The following SH3RF3 variants were observed in gnomAD, a reference collection of about 807,000 sequenced individuals.
SH3RF3 encodes SH3 domain containing ring finger 3, also known as E3 ubiquitin-protein ligase SH3RF3.
SH3RF3 carries 29 observed loss-of-function variants against 66.3 expected under a neutral mutation model. That is an observed-to-expected ratio of 0.44 (90% CI 0.33 to 0.60). SH3RF3 has a LOEUF of 0.60. Among genes scored for constraint, SH3RF3 ranks in the 20% least tolerant of loss-of-function variants. The pLI is 0.04. For missense variants in SH3RF3, 1,194 were observed against 1,190.9 expected (o/e 1.00, Z -0.04); for synonymous variants, 583 against 532.0 (o/e 1.10, Z -1.32).
chr2:109,252,273 C>A (rs1235533328), intron 1 of SH3RF3, among the ~76,000 whole-genome samples: 1 of 150,340 alleles, frequency 6.7e-6, no homozygotes, highest in African/African-American at 2.5e-5. Flanking sequence ...AAAAAACTTT[C>A]AACATTATAA....
intron 1 of SH3RF3, among the ~76,000 whole-genome samples, chr2:109,254,560 G>C (rs1680174399): frequency 6.6e-6 from 1 of 152,216 alleles, no homozygotes; most frequent in Non-Finnish European, 1.5e-5. Context: ...TGTAGATGCT[G>C]ATTAAAACTT....
intron 3 of SH3RF3, among the ~76,000 whole-genome samples, chr2:109,398,323 C>T (rs993226499): frequency 2.0e-5 from 3 of 152,160 alleles, no homozygotes; most frequent in African/African-American, 7.2e-5. Flanking sequence ...AAGATTGGGG[C>T]GACAAGGTAG....
chr2:109,441,097 T>C (rs995175717), intron 7 of SH3RF3, among the ~76,000 whole-genome samples: 2 of 134,730 alleles, frequency 1.5e-5, no homozygotes, highest in East Asian at 4.0e-4. Flanking sequence ...TTTATCTTTG[T>C]CCCAGAACAA....
At chr2:109,478,396 C>T (rs1263617658) in intron 8 of SH3RF3, among the ~76,000 whole-genome samples, 1 of 152,238 alleles carries the variant, frequency 6.6e-6, no homozygotes, top group African/African-American at 2.4e-5. Flanking sequence ...GATGGGCCCT[C>T]CAGTCTCTAA....
At chr2:109,440,635 G>A (rs902628126) in intron 7 of SH3RF3, among the ~76,000 whole-genome samples, 2 of 152,146 alleles carry the variant, frequency 1.3e-5, no homozygotes, top group Non-Finnish European at 2.9e-5. Context: ...GACAACCAAG[G>A]ACTGATTCAT....
intron 2 of SH3RF3, among the ~76,000 whole-genome samples, chr2:109,357,556 C>T (rs796569648): frequency 6.6e-6 from 1 of 152,212 alleles, no homozygotes. Context: ...ACCAGCCCGC[C>T]CTTCCCGCAT....
intron 1 of SH3RF3, among the ~76,000 whole-genome samples, chr2:109,180,273 TTCTC>T (rs987841795): frequency 1.3e-5 from 2 of 152,202 alleles, no homozygotes; most frequent in Non-Finnish European, 2.9e-5. Context: ...CAATCTCTGC[TTCTC>T]TCTGAGTCCG....
intron 8 of SH3RF3, among the ~76,000 whole-genome samples, chr2:109,470,647 G>A (rs948406567): frequency 2.0e-5 from 3 of 152,204 alleles, no homozygotes; most frequent in South Asian, 2.1e-4. Flanking sequence ...ACAGTGCCAC[G>A]CATGGGGTGC....
At position 109,286,338 on chromosome 2, in the gene SH3RF3, C is replaced by G. The variant is rs1473670303; in HGVS notation, c.574-61336C>G. Among the ~76,000 whole-genome samples, 3 of 152,324 alleles carry G rather than the reference C, an allele frequency of 2.0e-5. No individual in the cohort carries two copies. In the East Asian group the frequency reaches 5.8e-4, roughly 29 times the overall value. On this transcript the variant is annotated intron_variant, in intron 1 of 9. Coordinates refer to ENST00000309415, the MANE Select transcript of SH3RF3 (RefSeq NM_001099289.3). ...CTCCTGTAAGAAGAATGAAGGTGTG[C>G]TGCCCACGCAGTGGTCACTCCAGGG...
chr2:109,311,453 C>T (rs1329202130), intron 1 of SH3RF3, among the ~76,000 whole-genome samples: 1 of 147,208 alleles, frequency 6.8e-6, no homozygotes, highest in Non-Finnish European at 1.5e-5. Context: ...TGCCCTCTCT[C>T]ACCACTCCTA....
Position 109,320,209 on chromosome 2 carries a change from T to C in SH3RF3, c.574-27465T>C, listed in dbSNP as rs114485448. Reference sequence around the variant, plus strand: ...CCTCGGCTTGCCTCTGCTCGGCTCATTGACTCTAATTCCATTTTTGAGGGC... The same window carrying C: ...CCTCGGCTTGCCTCTGCTCGGCTCACTGACTCTAATTCCATTTTTGAGGGC... On this transcript the variant is annotated intron_variant, in intron 1 of 9. Coordinates refer to ENST00000309415, the MANE Select transcript of SH3RF3 (RefSeq NM_001099289.3). 7.6e-3 allele frequency among the ~76,000 whole-genome samples: 1,163 copies of C among 152,236 alleles called. 15 individuals are homozygous for C. The highest frequency in any genetic ancestry group is 0.026 in the African/African-American group (1,080 of 41,550).
chr2:109,440,927 T>C (rs1677545204), intron 7 of SH3RF3, among the ~76,000 whole-genome samples: 1 of 152,094 alleles, frequency 6.6e-6, no homozygotes, highest in Admixed American at 6.5e-5. Context: ...CTGGAAATAG[T>C]GCCTGTTCCC....
At chr2:109,435,046 T>C (rs1454339569) in intron 6 of SH3RF3, among the ~76,000 whole-genome samples, 1 of 152,170 alleles carries the variant, frequency 6.6e-6, no homozygotes, top group Non-Finnish European at 1.5e-5. Flanking sequence ...CCTCTTGGTC[T>C]GTGTTTTCCA....
intron 1 of SH3RF3, among the ~76,000 whole-genome samples, chr2:109,157,326 T>G (rs2104894175): frequency 6.6e-6 from 1 of 152,348 alleles, no homozygotes; most frequent in South Asian, 2.1e-4. Context: ...TTTAAAAACT[T>G]AAAATTCAAT....
At chr2:109,249,916 C>T (rs905130068) in intron 1 of SH3RF3, among the ~76,000 whole-genome samples, 1 of 151,502 alleles carries the variant, frequency 6.6e-6, no homozygotes, top group Admixed American at 6.6e-5. Context: ...GATCTCCTGA[C>T]CTCATGATCC....
intron 2 of SH3RF3, among the ~76,000 whole-genome samples, chr2:109,369,236 T>A (rs1559046664): frequency 6.6e-6 from 1 of 151,140 alleles, no homozygotes; most frequent in African/African-American, 2.4e-5. Context: ...TAGTCCCAGC[T>A]ACTCTAGAGG....
intron 8 of SH3RF3, among the ~76,000 whole-genome samples, chr2:109,450,619 C>A (rs893170598): frequency 5.3e-5 from 8 of 152,162 alleles, no homozygotes; most frequent in African/African-American, 1.9e-4. Flanking sequence ...ATTGTTTCAA[C>A]ATGTAACCTA....
At chr2:109,182,349 A>G (rs957510174) in intron 1 of SH3RF3, among the ~76,000 whole-genome samples, 3 of 152,176 alleles carry the variant, frequency 2.0e-5, no homozygotes, top group Admixed American at 6.5e-5. Context: ...CTCCCATGAC[A>G]ATGGCATTAA....
chr2:109,284,852 T>A (rs899878489), intron 1 of SH3RF3, among the ~76,000 whole-genome samples: 20 of 152,136 alleles, frequency 1.3e-4, no homozygotes, highest in African/African-American at 4.8e-4. Context: ...ATGTGTGGCT[T>A]CATGTAGGTT....
Sources: gnomAD v4.1 joint callset for allele counts (sites outside exome capture counted in the v4.1 genomes callset) on GRCh38, gnomAD v4.1.1 for gene constraint, MANE v1.5 for transcripts, NCBI Gene and HGNC (gene_info 2026-07-23, HGNC 2026-07-21) for gene names.